The following SPOPL variants were observed in gnomAD, a reference collection of about 807,000 sequenced individuals.
SPOPL encodes speckle-type POZ protein-like.
SPOPL carries 23 observed loss-of-function variants against 53.8 expected under a neutral mutation model. The observed-to-expected ratio is 0.43, with a 90% CI of 0.31 to 0.61. The LOEUF (loss-of-function observed/expected upper bound fraction) is 0.61. Ranked by LOEUF, SPOPL falls within the 20% of genes least tolerant of loss-of-function variation. The pLI, the probability that SPOPL is intolerant of heterozygous loss-of-function variation, is 0.12. For synonymous variants in SPOPL, 164 were observed against 149.7 expected (o/e 1.10, Z -0.70); for missense variants, 442 against 466.9 (o/e 0.95, Z 0.49).
intron 1 of SPOPL, among the ~76,000 whole-genome samples, chr2:138,514,026 A>C (rs1420840336): frequency 6.6e-6 from 1 of 152,160 alleles, no homozygotes; most frequent in Non-Finnish European, 1.5e-5. Context: ...ATCATCATAC[A>C]GCATGTATGG....
chr2:138,566,770 TG>T (rs1161695229), intron 10 of SPOPL, among the ~76,000 whole-genome samples: 3 of 152,200 alleles, frequency 2.0e-5, no homozygotes, highest in Non-Finnish European at 4.4e-5. Context: ...TTCTTGGTCT[TG>T]GGAAAGTTAT....
intron 5 of SPOPL, among the ~76,000 whole-genome samples, chr2:138,557,085 G>A (rs1685441472): frequency 6.6e-6 from 1 of 152,128 alleles, no homozygotes; most frequent in African/African-American, 2.4e-5. Context: ...GAATGCAGGA[G>A]GCGGAGCTTG....
chr2:138,532,701 CA>C (rs1349323709), intron 1 of SPOPL, among the ~76,000 whole-genome samples: 3 of 151,404 alleles, frequency 2.0e-5, no homozygotes, highest in Admixed American at 6.6e-5. Flanking sequence ...CTCGGCCTCC[CA>C]AAGTGCTGGG....
rs564888975 is a variant in SPOPL at position 138,560,808 on chromosome 2, C to T, written c.718C>T (p.Arg240Ter). 4.5e-6 allele frequency: 7 copies of T among 1,568,338 alleles called. No homozygotes were observed. Among genetic ancestry groups the T allele is most frequent in the South Asian group, 2.4e-5 (2 of 82,656 alleles). ...TTGTGTTGTTTTTCGATATCAGAAT[C>T]GAGTGGAAATAAATGATTTAGACCC... ...EHEMEESKKN[R>*]VEINDLDPEV... Residue 240 changes from arginine to a stop codon, truncating the protein, a stop_gained, in exon 8 of 11, where the codon CGA becomes TGA. Transcript: ENST00000280098. LOFTEE classifies it high-confidence loss of function.
At chr2:138,520,685 G>A (rs1272701881) in intron 1 of SPOPL, among the ~76,000 whole-genome samples, 2 of 152,134 alleles carry the variant, frequency 1.3e-5, no homozygotes, top group Non-Finnish European at 2.9e-5. Context: ...ATGAATAAGA[G>A]AGAAAGAGAG....
chr2:138,530,294 ATGTG>A (rs1684779004), intron 1 of SPOPL, among the ~76,000 whole-genome samples: 2 of 152,106 alleles, frequency 1.3e-5, no homozygotes, highest in African/African-American at 4.8e-5. Flanking sequence ...GTGTGGACAC[ATGTG>A]TGCATGTGTC....
chr2:138,517,408 T>G (rs1684461785), intron 1 of SPOPL, among the ~76,000 whole-genome samples: 1 of 152,176 alleles, frequency 6.6e-6, no homozygotes, highest in African/African-American at 2.4e-5. Flanking sequence ...AGATTAATTT[T>G]GGGGCAAGAT....
At chr2:138,558,027 G>A (rs910034255) in intron 5 of SPOPL, among the ~76,000 whole-genome samples, 3 of 152,010 alleles carry the variant, frequency 2.0e-5, no homozygotes, top group Admixed American at 2.0e-4. Flanking sequence ...GGGTGTGGTG[G>A]TGCACACCTG....
chr2:138,561,125 AGGAAGT>A (rs1251068959), intron 8 of SPOPL, among the ~76,000 whole-genome samples, 198 bp downstream of exon 8: 1 of 152,160 alleles, frequency 6.6e-6, no homozygotes, highest in Admixed American at 6.5e-5. Context: ...TTGAGCCAGA[AGGAAGT>A]GGCTTTTTTC....
At chr2:138,542,432 A>C (rs904612095) in intron 1 of SPOPL, among the ~76,000 whole-genome samples, 4 of 152,166 alleles carry the variant, frequency 2.6e-5, no homozygotes, top group African/African-American at 9.7e-5. Flanking sequence ...TATTGGGTGC[A>C]TATATATTTA....
At chr2:138,544,882 C>G (rs868463450) in intron 1 of SPOPL, among the ~76,000 whole-genome samples, 2 of 152,192 alleles carry the variant, frequency 1.3e-5, no homozygotes, top group East Asian at 1.9e-4. Flanking sequence ...GCTCCACCCC[C>G]CACCTGTTTT....
At position 138,551,074 on chromosome 2, in the gene SPOPL, A is replaced by C; in HGVS notation, c.352+20A>C. Reference sequence around the variant, plus strand: ...CAATGGGTAAGTGATTTGCAAACTAAGTGAAGACATTTCTGTATAACTACA... The same window carrying C: ...CAATGGGTAAGTGATTTGCAAACTACGTGAAGACATTTCTGTATAACTACA... On this transcript the variant is annotated intron_variant, in intron 4 of 10. Transcript: ENST00000280098. The C allele has an allele frequency of 6.2e-7, 1 of 1,611,560 alleles. No homozygotes were observed. Among genetic ancestry groups the C allele is most frequent in the East Asian group, 2.2e-5 (1 of 44,790 alleles).
intron 10 of SPOPL, 46 bp downstream of exon 10, chr2:138,565,039 A>T (rs761113694): frequency 6.2e-7 from 1 of 1,604,898 alleles, no homozygotes; most frequent in Non-Finnish European, 8.5e-7. Flanking sequence ...TACATAAGTG[A>T]GATTAAGTGT....
chr2:138,544,046 C>A (rs965913836), intron 1 of SPOPL, among the ~76,000 whole-genome samples: 7 of 152,138 alleles, frequency 4.6e-5, no homozygotes, highest in East Asian at 1.9e-4. Context: ...TGCAGAACAG[C>A]GGATATTGGT....
chr2:138,528,014 C>T (rs1340352515), intron 1 of SPOPL, among the ~76,000 whole-genome samples: 1 of 152,138 alleles, frequency 6.6e-6, no homozygotes, highest in Non-Finnish European at 1.5e-5. Context: ...TATCTTTTCT[C>T]CTTATTTTTC....
intron 1 of SPOPL, among the ~76,000 whole-genome samples, chr2:138,549,547 GA>G (rs1037069307): frequency 9.9e-5 from 15 of 152,246 alleles, no homozygotes; most frequent in African/African-American, 3.6e-4. Context: ...AGCTACCTGG[GA>G]GGAAATTTTA....
intron 1 of SPOPL, among the ~76,000 whole-genome samples, chr2:138,520,980 A>C (rs919047100): frequency 5.9e-5 from 9 of 152,220 alleles, no homozygotes; most frequent in Admixed American, 1.3e-4. Flanking sequence ...AATACATAAT[A>C]GAAAAAATTG....
chr2:138,525,828 C>T (rs1188300892), intron 1 of SPOPL, among the ~76,000 whole-genome samples: 1 of 149,372 alleles, frequency 6.7e-6, no homozygotes, highest in Non-Finnish European at 1.5e-5. Context: ...AGAATGAGAA[C>T]CTGTCTCAAA....
chr2:138,545,974 G>A (rs1167088352), intron 1 of SPOPL, among the ~76,000 whole-genome samples: 1 of 152,140 alleles, frequency 6.6e-6, no homozygotes, highest in Non-Finnish European at 1.5e-5. Flanking sequence ...CAACAATTCA[G>A]GATACAGGTT....
Sources: allele counts gnomAD v4.1 joint callset (sites outside exome capture counted in the v4.1 genomes callset), GRCh38; gene constraint gnomAD v4.1.1; transcripts MANE v1.5; gene names NCBI Gene and HGNC (gene_info 2026-07-23, HGNC 2026-07-21).